CDK15: variants seen among roughly 807,000 people sequenced by gnomAD.
CDK15 encodes cyclin-dependent kinase 15.
Under a neutral mutation model 60.3 loss-of-function variants are expected in CDK15, and 62 were observed. The ratio of observed to expected loss-of-function variants is 1.03; its 90% CI spans 0.84 to 1.27. CDK15 has a LOEUF of 1.27. Among genes scored for constraint, CDK15 ranks in the 50% most tolerant of loss-of-function variants. The pLI, the probability that CDK15 is intolerant of heterozygous loss-of-function variation, is 0.00. For synonymous variants in CDK15, 194 were observed against 195.7 expected (o/e 0.99, Z 0.07); for missense variants, 541 against 527.8 (o/e 1.03, Z -0.25).
intron 6 of CDK15, among the ~76,000 whole-genome samples, chr2:201,824,191 T>G (rs887506552): frequency 2.6e-5 from 4 of 152,200 alleles, no homozygotes; most frequent in African/African-American, 9.7e-5. Context: ...ATCGAAATAA[T>G]AAACTCTTAA....
intron 12 of CDK15, among the ~76,000 whole-genome samples, chr2:201,886,671 C>A (rs1425475928): frequency 6.6e-6 from 1 of 152,094 alleles, no homozygotes; most frequent in East Asian, 1.9e-4. Flanking sequence ...TCACCTGTGA[C>A]TCATTCAGTT....
intron 1 of CDK15, 48 bp from the exon 2 acceptor site, chr2:201,807,446 A>G (rs369713551): frequency 8.2e-6 from 13 of 1,586,224 alleles, no homozygotes; most frequent in East Asian, 2.2e-5. Context: ...CAGGCACTGA[A>G]TCTTTACTTT....
intron 11 of CDK15, among the ~76,000 whole-genome samples, chr2:201,875,185 G>A (rs1230627594): frequency 7.2e-5 from 11 of 152,172 alleles, no homozygotes; most frequent in Non-Finnish European, 1.6e-4. Flanking sequence ...TAGCTGTCCC[G>A]GCCCCCAGCA....
rs183161777 is a variant in CDK15 at position 201,847,078 on chromosome 2, T to C, written c.852-303T>C. 2.2e-4 allele frequency among the ~76,000 whole-genome samples: 33 copies of C among 152,318 alleles called. No individual in the cohort carries two copies. The East Asian group carries it at 5.8e-3, about 27-fold the overall frequency. On this transcript the variant is annotated intron_variant, in intron 8 of 13. Transcript: ENST00000652192. ...ATGAAAAGTGGGGATGAAATGAAAT[T>C]TGGGGATACAGTACTTTCCCCTCTT...
At chr2:201,870,696 T>C (rs1698822795) in intron 10 of CDK15, among the ~76,000 whole-genome samples, 2 of 152,168 alleles carry the variant, frequency 1.3e-5, no homozygotes, top group South Asian at 4.1e-4. Context: ...GCCAGTGTAC[T>C]CACCAGCCTG....
chr2:201,881,176 T>G (rs1699266287), intron 12 of CDK15, among the ~76,000 whole-genome samples: 1 of 152,132 alleles, frequency 6.6e-6, no homozygotes, highest in Admixed American at 6.5e-5. Context: ...TGCCAGAGTT[T>G]GCAGACGCAG....
At chr2:201,844,270 C>T (rs1697539423) in intron 8 of CDK15, among the ~76,000 whole-genome samples, 1 of 152,134 alleles carries the variant, frequency 6.6e-6, no homozygotes, top group Non-Finnish European at 1.5e-5. Flanking sequence ...ACAAAATGGT[C>T]TGAGGCCTTT....
chr2:201,835,676 C>T lies in CDK15; in HGVS notation c.764C>T (p.Thr255Ile), dbSNP rs34851370. ...CGGGCCAAGTCCATTCCCAGCCAGA[C>T]ATACTCTTCAGAAGTCGTGACCCTC... is the stretch of plus-strand genomic sequence containing the variant. The part of the protein sequence containing the change: ...LARAKSIPSQ[T>I]YSSEVVTLWY... The change falls in exon 8 of 14, where the codon ACA becomes ATA. Residue 255 changes from threonine (T) to isoleucine (I), a missense_variant. Coordinates refer to ENST00000652192, the MANE Select transcript of CDK15 (RefSeq NM_001366386.2). 0.02 allele frequency: 32,167 copies of T among 1,610,452 alleles called. 415 individuals are homozygous for T. The highest frequency in any genetic ancestry group is 0.025 in the Non-Finnish European group (29,212 of 1,177,760).
chr2:201,831,494 G>A (rs1362430801), intron 6 of CDK15, among the ~76,000 whole-genome samples: 1 of 152,202 alleles, frequency 6.6e-6, no homozygotes, highest in Non-Finnish European at 1.5e-5. Flanking sequence ...CTGTAGTGTT[G>A]AATGAAGAAT....
intron 11 of CDK15, among the ~76,000 whole-genome samples, chr2:201,875,477 A>G (rs1360166990): frequency 6.6e-6 from 1 of 152,214 alleles, no homozygotes; most frequent in Non-Finnish European, 1.5e-5. Context: ...GGAAATATAC[A>G]CAAACCCACA....
rs1419582530 is a variant in CDK15 at position 201,869,237 on chromosome 2, G to A, written c.1010-3041G>A. ...AGTTCATGTCCTTTGCAGGGACATG[G>A]ATGCAGCTGGAAACCATCATTCTGA... On this transcript the variant is annotated intron_variant, in intron 10 of 13. Coordinates refer to ENST00000652192, the MANE Select transcript of CDK15 (RefSeq NM_001366386.2). Among the ~76,000 whole-genome samples the A allele has an allele frequency of 3.3e-5, 5 of 152,288 alleles. No homozygotes were observed. The South Asian group carries it at 8.3e-4, about 25-fold the overall frequency.
At chr2:201,855,568 G>A (rs987255478) in intron 10 of CDK15, among the ~76,000 whole-genome samples, 1 of 152,146 alleles carries the variant, frequency 6.6e-6, no homozygotes, top group Non-Finnish European at 1.5e-5. Flanking sequence ...TTAAGCAGTA[G>A]TCACTTCAAG....
chr2:201,810,133 C>T (rs866121027), intron 3 of CDK15, among the ~76,000 whole-genome samples: 3 of 151,340 alleles, frequency 2.0e-5, no homozygotes, highest in Admixed American at 6.6e-5. Flanking sequence ...TTTCACAGAA[C>T]CATGTTCTGA....
intron 10 of CDK15, 81 bp downstream of exon 10, chr2:201,855,018 G>A (rs1698086515): frequency 7.6e-7 from 1 of 1,323,364 alleles, no homozygotes; most frequent in Non-Finnish European, 1.1e-6. Flanking sequence ...GGGCGTTCTT[G>A]TATTGTGAAC....
chr2:201,847,935 A>G (rs900168139), intron 9 of CDK15, among the ~76,000 whole-genome samples: 14 of 152,136 alleles, frequency 9.2e-5, no homozygotes, highest in African/African-American at 3.4e-4. Context: ...GTTCGAGACC[A>G]GCCTGGGCAA....
At chr2:201,816,651 C>T (rs935534609) in intron 4 of CDK15, among the ~76,000 whole-genome samples, 19 of 151,748 alleles carry the variant, frequency 1.3e-4, no homozygotes, top group Non-Finnish European at 2.2e-4. Context: ...GGGTATATAC[C>T]CAGGAATGGA....
intron 9 of CDK15, 95 bp from the exon 10 acceptor site, chr2:201,854,779 G>T (rs1157575070): frequency 6.8e-6 from 7 of 1,023,508 alleles, no homozygotes; most frequent in Non-Finnish European, 1.1e-5. Flanking sequence ...ACGCTTCCCT[G>T]TTCTTCCCTG....
intron 12 of CDK15, among the ~76,000 whole-genome samples, chr2:201,884,031 C>G (rs1051565871): frequency 6.6e-6 from 1 of 152,222 alleles, no homozygotes; most frequent in Non-Finnish European, 1.5e-5. Flanking sequence ...AAATGTTACC[C>G]TTGGAAATTT....
At position 201,813,355 on chromosome 2, in the gene CDK15, A is replaced by T. The variant is rs1031374304; in HGVS notation, c.448+793A>T. ...ATCAAGAAGCCAACATAGTGAAATG[A>T]ATCATTAAAAATATAATTTATCAAC... is the stretch of plus-strand genomic sequence containing the variant. On this transcript the variant is annotated intron_variant, in intron 4 of 13. Coordinates refer to ENST00000652192, the MANE Select transcript of CDK15 (RefSeq NM_001366386.2). Among the ~76,000 whole-genome samples the T allele has an allele frequency of 3.3e-5, 5 of 152,258 alleles. No individual in the cohort carries two copies. The East Asian group carries it at 9.6e-4, about 29-fold the overall frequency.
Sources: gnomAD v4.1 joint callset for allele counts (sites outside exome capture counted in the v4.1 genomes callset) on GRCh38, gnomAD v4.1.1 for gene constraint, MANE v1.5 for transcripts, NCBI Gene and HGNC (gene_info 2026-07-23, HGNC 2026-07-21) for gene names.